SEC22C: variants seen among roughly 807,000 people sequenced by gnomAD.
The protein encoded by SEC22C is vesicle-trafficking protein SEC22c.
A neutral mutation model predicts 34.7 loss-of-function variants in SEC22C; 29 were observed. The observed-to-expected ratio is 0.84, with a 90% CI of 0.62 to 1.14. SEC22C has a LOEUF of 1.14. Ranked by LOEUF, SEC22C falls within the 50% of genes most tolerant of loss-of-function variation. The probability of loss-of-function intolerance (pLI) is 0.00; values close to 1 mark genes in which losing one functional copy is unlikely to be tolerated. For synonymous variants in SEC22C, 117 were observed against 132.8 expected, an observed-to-expected ratio of 0.88 and a Z score of 0.82; for missense variants, 337 against 369.0, an observed-to-expected ratio of 0.91 and a Z score of 0.71.
intron 1 of SEC22C, among the ~76,000 whole-genome samples, chr3:42,598,840 G>T (rs562047774): frequency 6.6e-5 from 10 of 151,060 alleles, no homozygotes; most frequent in African/African-American, 2.4e-4. Flanking sequence ...GTACAACCGT[G>T]TGAAATACAG....
In SEC22C at chr3:42,569,015, C is replaced by T. The variant is rs1226387423; in HGVS notation, c.32G>A (p.Arg11Gln). Residue 11 changes from arginine (R) to glutamine (Q), a missense_variant, in exon 2 of 7, where the codon CGG becomes CAG. Transcript: ENST00000264454. MSVIFFACVV[R>Q]VRDGLPLSAS... Reference sequence around the variant, plus strand: ...TGAGAGGGGCAGTCCATCCCTTACCCGTACCACGCAGGCAAAAAAGATCAC... The same window carrying T: ...TGAGAGGGGCAGTCCATCCCTTACCTGTACCACGCAGGCAAAAAAGATCAC... 3.7e-6 allele frequency: 6 copies of T among 1,613,906 alleles called. No individual in the cohort carries two copies. The highest frequency in any genetic ancestry group is 1.3e-5 in the African/African-American group (1 of 74,892).
intron 1 of SEC22C, chr3:42,591,029 G>A (rs1358883693): frequency 6.6e-7 from 1 of 1,523,200 alleles, no homozygotes; most frequent in East Asian, 2.4e-5. Context: ...GGGCTGCGGG[G>A]TGCGAGAAGC....
At chr3:42,584,247 G>T (rs1037715475), upstream of SEC22C, among the ~76,000 whole-genome samples, 2 of 152,188 alleles carry the variant, frequency 1.3e-5, no homozygotes, top group Non-Finnish European at 2.9e-5. Flanking sequence ...CAATGTAGAG[G>T]TCTGGGCTGA....
upstream of SEC22C, among the ~76,000 whole-genome samples, chr3:42,583,459 G>A (rs1704500739): frequency 2.0e-5 from 3 of 152,238 alleles, no homozygotes. Flanking sequence ...GGGATTCACA[G>A]ATATGGAGAA....
intron 6 of SEC22C, among the ~76,000 whole-genome samples, chr3:42,555,683 C>T (rs1577294595): frequency 6.6e-6 from 1 of 152,302 alleles, no homozygotes; most frequent in East Asian, 1.9e-4. Flanking sequence ...TGTTCTGCTG[C>T]TGTCAATAGC....
intron 4 of SEC22C, among the ~76,000 whole-genome samples, chr3:42,559,130 T>C (rs911708882): frequency 1.3e-5 from 2 of 152,258 alleles, no homozygotes; most frequent in Admixed American, 1.3e-4. Context: ...CACAATTAAA[T>C]GGTGTCCCTC....
In SEC22C at chr3:42,551,089, G is replaced by A. The variant is rs143842021; in HGVS notation, c.*2159C>T. 30 of 970,076 alleles carry A rather than the reference G, an allele frequency of 3.1e-5. No homozygotes were observed. Among genetic ancestry groups the A allele is most frequent in the Non-Finnish European group, 3.4e-5 (28 of 816,162 alleles). The allele number at this position is 970,076 out of a possible 1,614,324, so 60.1% of individuals were successfully genotyped here. ...TCACCATGTTAGCCAGGATGGTCTC[G>A]ATCTCTTGACCTCGTGATCTGCCCA... On this transcript the variant is annotated 3_prime_UTR_variant, in exon 7 of 7. Transcript: ENST00000264454.
At chr3:42,572,411 A>G (rs1703698999) in intron 1 of SEC22C, among the ~76,000 whole-genome samples, 1 of 152,174 alleles carries the variant, frequency 6.6e-6, no homozygotes, top group Non-Finnish European at 1.5e-5. Context: ...CCACTGCCCT[A>G]CAGTAATGAA....
At chr3:42,564,807 G>C (rs1703136554) in intron 2 of SEC22C, among the ~76,000 whole-genome samples, 1 of 152,116 alleles carries the variant, frequency 6.6e-6, no homozygotes, top group African/African-American at 2.4e-5. Context: ...ATCCATGCTA[G>C]AGTGCAATGG....
chr3:42,581,270 T>C (rs1001950290), intron 1 of SEC22C: 12 of 152,226 alleles, frequency 7.9e-5, no homozygotes, highest in African/African-American at 2.7e-4. Context: ...CAATTACTTT[T>C]CACACTGGCA....
chr3:42,592,136 G>C (rs1274522045), intron 1 of SEC22C, among the ~76,000 whole-genome samples: 1 of 152,124 alleles, frequency 6.6e-6, no homozygotes, highest in Admixed American at 6.5e-5. Context: ...ATACCAAAAT[G>C]AGAGAAAATA....
In SEC22C at chr3:42,559,233, T is replaced by TA. The variant is rs539125118; in HGVS notation, c.527-1538dup. On this transcript the variant is annotated intron_variant, in intron 4 of 6. Transcript: ENST00000264454. The stretch of plus-strand genomic sequence containing the variant: ...CAACTTATGCCTATTGTTAGTGTGT[T>TA]AGAGTTTCCACTGAGCAATTAAAAG... 1.2e-4 allele frequency among the ~76,000 whole-genome samples: 18 copies of TA among 152,322 alleles called. No homozygotes were observed. In the East Asian group the frequency reaches 3.5e-3, roughly 29 times the overall value.
At chr3:42,600,678 G>C (rs1017762734) in intron 1 of SEC22C, 15 of 210,606 alleles carry the variant, frequency 7.1e-5, no homozygotes, top group South Asian at 1.4e-4. Context: ...GCCCGGCCTG[G>C]GGGAGGAGAC....
At position 42,553,103 on chromosome 3, in the gene SEC22C, A is replaced by C. The variant is rs1290598998; in HGVS notation, c.*145T>G. 4.1e-6 allele frequency: 6 copies of C among 1,448,310 alleles called. No individual in the cohort carries two copies. In the African/African-American group the frequency reaches 8.6e-5, roughly 21 times the overall value. The allele number at this position is 1,448,310 out of a possible 1,614,324, so 89.7% of individuals were successfully genotyped here. ...AAGCAACCTCATGACTTCCACTGCA[A>C]CTGTTTAACATCCCCAATTCCTGGT... On this transcript the variant is annotated 3_prime_UTR_variant, in exon 7 of 7. Transcript: ENST00000264454.
At chr3:42,563,476 TATA>T in intron 3 of SEC22C, 44 bp downstream of exon 3, 1 of 1,538,038 alleles carries the variant, frequency 6.5e-7, no homozygotes, top group Non-Finnish European at 8.9e-7. Flanking sequence ...ATTCTACACA[TATA>T]ACACCATGGA....
chr3:42,599,097 C>T (rs1322852228), intron 1 of SEC22C, among the ~76,000 whole-genome samples: 2 of 151,712 alleles, frequency 1.3e-5, no homozygotes, highest in Non-Finnish European at 2.9e-5. Context: ...TCCCGAGTAG[C>T]TGGGACTACG....
chr3:42,548,152 CT>C lies in SEC22C; in HGVS notation c.*5095del, dbSNP rs1376635833. 6.4e-6 allele frequency: 1 copy of C among 155,710 alleles called. No individual in the cohort carries two copies. The allele number at this position is 155,710 out of a possible 1,614,324, so 9.6% of individuals were successfully genotyped here. On this transcript the variant is annotated 3_prime_UTR_variant, in exon 7 of 7. Coordinates refer to ENST00000264454, the MANE Select transcript of SEC22C (RefSeq NM_032970.4). ...ATTGTTACAAGAAAACCGTAAGAAG[CT>C]TGTGTAACATGAACAGCAAGTATTG...
upstream of SEC22C, among the ~76,000 whole-genome samples, chr3:42,586,041 G>A (rs1177820453): frequency 1.3e-5 from 2 of 151,910 alleles, no homozygotes; most frequent in African/African-American, 4.8e-5. Context: ...TCTCCTTCCA[G>A]CTACCACCTT....
upstream of SEC22C, among the ~76,000 whole-genome samples, chr3:42,584,963 T>C (rs1032544986): frequency 2.6e-5 from 4 of 152,018 alleles, no homozygotes; most frequent in South Asian, 2.1e-4. Flanking sequence ...CCCGTCTCTA[T>C]TGAAAAATTA....
Sources: allele counts gnomAD v4.1 joint callset (sites outside exome capture counted in the v4.1 genomes callset), GRCh38; gene constraint gnomAD v4.1.1; transcripts MANE v1.5; gene names NCBI Gene and HGNC (gene_info 2026-07-23, HGNC 2026-07-21).